Variants in IFT81 observed in about 807,000 individuals in gnomAD.
The protein encoded by IFT81 is intraflagellar transport protein 81 homolog.
IFT81 carries 72 observed loss-of-function variants against 102.6 expected under a neutral mutation model. The observed-to-expected ratio is 0.70, with a 90% CI of 0.58 to 0.85. IFT81 has a LOEUF of 0.85. Among genes scored for constraint, IFT81 ranks in the 40% least tolerant of loss-of-function variants. IFT81 has a pLI of 0.00. For missense variants in IFT81, 723 were observed against 787.3 expected, an observed-to-expected ratio of 0.92 and a Z score of 0.98; for synonymous variants, 237 against 242.7, an observed-to-expected ratio of 0.98 and a Z score of 0.22.
In IFT81 at chr12:110,218,166, A is replaced by T; in HGVS notation, c.1971A>T (p.Gln657His). ...ECKKQCFLKQ[Q>H]SQTSIGQVIQ... Reference sequence around the variant, plus strand: ...AGAAACAGTGCTTTCTGAAACAACAAAGCCAAACTTCCATTGGTCAGGTAA... The same window carrying T: ...AGAAACAGTGCTTTCTGAAACAACATAGCCAAACTTCCATTGGTCAGGTAA... The change falls in exon 19 of 19, where the codon CAA becomes CAT. Residue 657 changes from glutamine (Q) to histidine (H), a missense_variant. By Grantham distance (24) the Gln-to-His change is conservative (BLOSUM62 0). Coordinates refer to ENST00000242591, the MANE Select transcript of IFT81 (RefSeq NM_014055.4). The T allele has an allele frequency of 6.3e-6, 10 of 1,587,132 alleles. No homozygotes were observed. The highest frequency in any genetic ancestry group is 8.5e-6 in the Non-Finnish European group (10 of 1,172,416).
intron 8 of IFT81, among the ~76,000 whole-genome samples, chr12:110,139,809 A>AAAATT (rs1894754258): frequency 7.1e-6 from 1 of 141,078 alleles, no homozygotes; most frequent in South Asian, 2.2e-4. Context: ...ACAATAAAAT[A>AAAATT]AAATAAAATA....
At chr12:110,144,218 GT>G (rs890341513) in intron 9 of IFT81, among the ~76,000 whole-genome samples, 1 of 149,378 alleles carries the variant, frequency 6.7e-6, no homozygotes, top group African/African-American at 2.5e-5. Flanking sequence ...TTGTTGTTTT[GT>G]TTTTTGTTTT....
intron 18 of IFT81, among the ~76,000 whole-genome samples, chr12:110,210,037 T>TTA (rs1869205634): frequency 1.3e-5 from 2 of 152,306 alleles, no homozygotes; most frequent in Admixed American, 1.3e-4. Context: ...AGAGAGTAAG[T>TTA]TATAGCCTTG....
At chr12:110,213,503 T>C (rs566124607) in intron 18 of IFT81, among the ~76,000 whole-genome samples, 3 of 152,348 alleles carry the variant, frequency 2.0e-5, no homozygotes, top group East Asian at 3.9e-4. Flanking sequence ...TTTCTTCTTA[T>C]GATGTAGACA....
chr12:110,200,110 G>T (rs1339821419), intron 14 of IFT81, among the ~76,000 whole-genome samples: 1 of 152,170 alleles, frequency 6.6e-6, no homozygotes, highest in Non-Finnish European at 1.5e-5. Flanking sequence ...TGAGAGTTCA[G>T]TTCAGCTTGG....
chr12:110,144,863 CTT>C (rs34675452), intron 9 of IFT81, among the ~76,000 whole-genome samples: 287 of 93,070 alleles, frequency 3.1e-3, no homozygotes, highest in African/African-American at 0.011. Context: ...GGTGCAGTGC[CTT>C]TTTTTTTTTT....
intron 12 of IFT81, 58 bp from the exon 13 acceptor site, chr12:110,190,862 T>C: frequency 7.0e-7 from 1 of 1,436,852 alleles, no homozygotes; most frequent in African/African-American, 1.5e-5. Flanking sequence ...TGTACATTTC[T>C]TATGGGAGCC....
At chr12:110,159,701 C>G (rs1896037063) in intron 10 of IFT81, among the ~76,000 whole-genome samples, 1 of 152,162 alleles carries the variant, frequency 6.6e-6, no homozygotes, top group African/African-American at 2.4e-5. Context: ...GCAACAATGG[C>G]CTCCCTCTCT....
intron 17 of IFT81, among the ~76,000 whole-genome samples, chr12:110,207,180 G>A (rs750304441): frequency 2.6e-5 from 4 of 151,994 alleles, no homozygotes; most frequent in Admixed American, 6.6e-5. Flanking sequence ...ACAGGCACAC[G>A]CCACTGTGTT....
At chr12:110,139,838 AAAATAAAAT>A (rs1177499997) in intron 8 of IFT81, among the ~76,000 whole-genome samples, 13 of 131,230 alleles carry the variant, frequency 9.9e-5, no homozygotes, top group African/African-American at 3.4e-4. Context: ...AAAATAAAAT[AAAATAAAAT>A]AAATAAAATA....
intron 14 of IFT81, among the ~76,000 whole-genome samples, chr12:110,196,410 C>T (rs777608535): frequency 6.6e-6 from 1 of 152,192 alleles, no homozygotes; most frequent in Non-Finnish European, 1.5e-5. Context: ...GTCCCAGCTA[C>T]TCGGGAGGCT....
At chr12:110,216,550 C>T (rs1053369637) in intron 18 of IFT81, 2 of 453,436 alleles carry the variant, frequency 4.4e-6, no homozygotes, top group African/African-American at 2.0e-5. Context: ...CGGAATCTCA[C>T]TCTGTTGCCC....
intron 10 of IFT81, among the ~76,000 whole-genome samples, chr12:110,160,653 C>T (rs1331198348): frequency 6.6e-6 from 1 of 152,218 alleles, no homozygotes; most frequent in Non-Finnish European, 1.5e-5. Flanking sequence ...AAATGCTTTA[C>T]CAGCCACCTA....
intron 18 of IFT81, 67 bp from the exon 19 acceptor site, chr12:110,217,977 G>T (rs1222842804): frequency 4.5e-6 from 5 of 1,113,830 alleles, no homozygotes; most frequent in African/African-American, 1.6e-5. Flanking sequence ...ATATTCCTCC[G>T]ACTATAGCAA....
intron 10 of IFT81, among the ~76,000 whole-genome samples, chr12:110,157,045 A>C (rs1895881023): frequency 6.6e-6 from 1 of 150,902 alleles, no homozygotes; most frequent in Admixed American, 6.6e-5. Context: ...CAGGAGTAGA[A>C]GTTTATTTTA....
In IFT81 at chr12:110,128,906, C is replaced by T. The variant is rs750374869; in HGVS notation, c.249-44C>T. The T allele has an allele frequency of 1.2e-5, 18 of 1,460,910 alleles. No individual in the cohort carries two copies. In the South Asian group the frequency reaches 1.8e-4, roughly 15 times the overall value. 90.5% of individuals were successfully genotyped at this position (1,460,910 alleles called of 1,614,324 possible). A position where few individuals can be genotyped will look rare whatever the true frequency, so the allele number is the denominator to read the frequency against. ...AAATGCTGTCTCTCTTCAAAGTTTA[C>T]CGTTAAGTGCGTGTGTGTTTGTGTA... is the stretch of plus-strand genomic sequence containing the variant. On this transcript the variant is annotated intron_variant, in intron 3 of 18. Coordinates refer to ENST00000242591, the MANE Select transcript of IFT81 (RefSeq NM_014055.4).
chr12:110,217,552 T>C (rs1870293434), intron 18 of IFT81, among the ~76,000 whole-genome samples: 1 of 152,024 alleles, frequency 6.6e-6, no homozygotes, highest in Non-Finnish European at 1.5e-5. Flanking sequence ...TTTTTTTGTT[T>C]GTTTGTTTTT....
chr12:110,165,648 G>A (rs894705645), intron 11 of IFT81, among the ~76,000 whole-genome samples: 30 of 152,130 alleles, frequency 2.0e-4, no homozygotes. Context: ...TCTTGTAAAA[G>A]GTGTTGTTAC....
chr12:110,192,152 C>T (rs1897827023), intron 13 of IFT81, among the ~76,000 whole-genome samples: 1 of 150,618 alleles, frequency 6.6e-6, no homozygotes. Flanking sequence ...GCCTGGGCAA[C>T]CAAGCAAGAC....
Sources: gnomAD v4.1 joint callset for allele counts (sites outside exome capture counted in the v4.1 genomes callset) on GRCh38, gnomAD v4.1.1 for gene constraint, MANE v1.5 for transcripts, NCBI Gene and HGNC (gene_info 2026-07-23, HGNC 2026-07-21) for gene names.